TRHDE: variants seen among roughly 807,000 people sequenced by gnomAD.
TRHDE encodes the protein thyrotropin releasing hormone degrading enzyme.
A neutral mutation model predicts 125.7 loss-of-function variants in TRHDE; 72 were observed. That is an observed-to-expected ratio of 0.57 (90% confidence interval 0.47 to 0.70). The LOEUF is 0.70. Among genes scored for constraint, TRHDE ranks in the 30% least tolerant of loss-of-function variants. The pLI, the probability that TRHDE is intolerant of heterozygous loss-of-function variation, is 0.00. For synonymous variants in TRHDE, 509 were observed against 509.1 expected (o/e 1.00, Z 0.00); for missense variants, 1,110 against 1,327.1 (o/e 0.84, Z 2.54).
intron 3 of TRHDE, among the ~76,000 whole-genome samples, chr12:72,464,224 T>C (rs1423442035): frequency 6.6e-6 from 1 of 152,176 alleles, no homozygotes; most frequent in African/African-American, 2.4e-5. Flanking sequence ...GATGTTAAAG[T>C]GGATGAAAAC....
At chr12:72,339,722 G>A (rs1869994334) in intron 2 of TRHDE, among the ~76,000 whole-genome samples, 1 of 152,122 alleles carries the variant, frequency 6.6e-6, no homozygotes, top group African/African-American at 2.4e-5. Flanking sequence ...GTTAGGCATT[G>A]CACATTTAGA....
chr12:72,334,994 A>C (rs1051634931), intron 2 of TRHDE, among the ~76,000 whole-genome samples: 5 of 152,204 alleles, frequency 3.3e-5, no homozygotes, highest in African/African-American at 1.2e-4. Flanking sequence ...GATCCCTTTA[A>C]AGGAAGCAGC....
At chr12:72,495,060 G>GTTTTTTT (rs751243542) in intron 5 of TRHDE, among the ~76,000 whole-genome samples, 790 of 58,368 alleles carry the variant, frequency 0.014, 73 homozygotes, top group Middle Eastern at 0.042. Flanking sequence ...TTCCTCCCCC[G>GTTTTTTT]TTTTTTTTTT....
At chr12:72,600,759 G>A (rs2136058706) in intron 12 of TRHDE, among the ~76,000 whole-genome samples, 1 of 151,980 alleles carries the variant, frequency 6.6e-6, no homozygotes, top group East Asian at 1.9e-4. Context: ...ACAAAGCTTG[G>A]ATGACAACAC....
In TRHDE at chr12:72,114,027, A is replaced by G. The variant is rs1038512716; in HGVS notation, n.279+8275A>G. ...TACCAGAATCTTCATTGGTTCTGTC[A>G]GTCTTTCTCTGGTTGGTTTTCTAGA... On this transcript the variant is annotated intron_variant and non_coding_transcript_variant, in intron 2 of 4. Transcript: ENST00000548156. 3.9e-5 allele frequency among the ~76,000 whole-genome samples: 6 copies of G among 151,900 alleles called. No homozygotes were observed. The East Asian group carries it at 9.7e-4, about 24-fold the overall frequency.
chr12:72,425,524 G>T (rs1874146432), intron 3 of TRHDE, among the ~76,000 whole-genome samples: 1 of 151,914 alleles, frequency 6.6e-6, no homozygotes, highest in Non-Finnish European at 1.5e-5. Flanking sequence ...TCCATAATTT[G>T]TCTTCAGTTA....
chr12:72,522,600 GC>G (rs1271049395), intron 6 of TRHDE, among the ~76,000 whole-genome samples: 2 of 152,114 alleles, frequency 1.3e-5, no homozygotes, highest in Non-Finnish European at 2.9e-5. Flanking sequence ...ATGGCTCTGT[GC>G]TATGAAGCAA....
chr12:72,635,220 T>G (rs1157279090), intron 15 of TRHDE, among the ~76,000 whole-genome samples: 2 of 152,122 alleles, frequency 1.3e-5, no homozygotes, highest in Non-Finnish European at 2.9e-5. Context: ...GGTATCTCAT[T>G]GTGGTTTTGA....
At chr12:72,550,111 TGAC>T (rs1869606259) in intron 7 of TRHDE, among the ~76,000 whole-genome samples, 1 of 151,922 alleles carries the variant, frequency 6.6e-6, no homozygotes, top group African/African-American at 2.4e-5. Flanking sequence ...TATTATAAAA[TGAC>T]TTTTTGGTTA....
chr12:72,373,037 C>T (rs1592397703), intron 2 of TRHDE, among the ~76,000 whole-genome samples: 1 of 152,300 alleles, frequency 6.6e-6, no homozygotes, highest in East Asian at 1.9e-4. Context: ...GAATGTTCCT[C>T]CATTTGTTTG....
At chr12:72,499,202 C>T (rs927894398) in intron 5 of TRHDE, among the ~76,000 whole-genome samples, 1 of 152,086 alleles carries the variant, frequency 6.6e-6, no homozygotes, top group African/African-American at 2.4e-5. Context: ...GTTGTTATTG[C>T]CTGCCCATTG....
chr12:72,227,155 G>T (rs1294020056), intron 2 of TRHDE, among the ~76,000 whole-genome samples: 1 of 152,244 alleles, frequency 6.6e-6, no homozygotes. Context: ...CAAAATAACA[G>T]AGTAGATATT....
intron 3 of TRHDE, among the ~76,000 whole-genome samples, chr12:72,396,770 C>CA (rs901447877): frequency 6.6e-6 from 1 of 151,912 alleles, no homozygotes; most frequent in Admixed American, 6.6e-5. Context: ...AAACAAAAAA[C>CA]AAAAAAACTT....
chr12:72,445,458 C>G (rs1307171245), intron 3 of TRHDE, among the ~76,000 whole-genome samples: 2 of 151,892 alleles, frequency 1.3e-5, no homozygotes, highest in African/African-American at 2.4e-5. Context: ...TTTCAGCAAC[C>G]TCTCTTGCTT....
At chr12:72,332,695 G>T (rs897800323) in intron 2 of TRHDE, among the ~76,000 whole-genome samples, 1 of 152,116 alleles carries the variant, frequency 6.6e-6, no homozygotes, top group Non-Finnish European at 1.5e-5. Flanking sequence ...CTACATACTA[G>T]GTACTGAGTC....
intron 2 of TRHDE, among the ~76,000 whole-genome samples, chr12:72,198,279 A>C (rs560991752): frequency 6.6e-6 from 1 of 152,130 alleles, no homozygotes; most frequent in Non-Finnish European, 1.5e-5. Flanking sequence ...ATTATGTACA[A>C]GTTTTGGTGG....
chr12:72,127,012 A>C (rs1305086708), intron 2 of TRHDE, among the ~76,000 whole-genome samples: 1 of 152,200 alleles, frequency 6.6e-6, no homozygotes, highest in Non-Finnish European at 1.5e-5. Context: ...CAAAAACCAA[A>C]TAAGCCTATT....
intron 2 of TRHDE, among the ~76,000 whole-genome samples, chr12:72,315,145 A>G (rs1868737300): frequency 6.6e-6 from 1 of 152,220 alleles, no homozygotes; most frequent in African/African-American, 2.4e-5. Context: ...GGAAAGTGGT[A>G]TCCTTTATGT....
At chr12:72,585,346 G>A (rs1871394989) in intron 12 of TRHDE, among the ~76,000 whole-genome samples, 1 of 152,082 alleles carries the variant, frequency 6.6e-6, no homozygotes, top group Admixed American at 6.5e-5. Context: ...ACATAGAGTT[G>A]GAATTCTTGC....
Sources: allele counts gnomAD v4.1 joint callset (sites outside exome capture counted in the v4.1 genomes callset), GRCh38; gene constraint gnomAD v4.1.1; transcripts MANE v1.5; gene names NCBI Gene and HGNC (gene_info 2026-07-23, HGNC 2026-07-21).